The following SLC6A16 variants were observed in gnomAD, a reference collection of about 807,000 sequenced individuals.
SLC6A16 encodes orphan sodium- and chloride-dependent neurotransmitter transporter NTT5.
SLC6A16 carries 54 observed loss-of-function variants against 65.4 expected under a neutral mutation model. The observed-to-expected ratio is 0.83, with a 90% CI of 0.66 to 1.04. SLC6A16 has a LOEUF of 1.04. SLC6A16 is among the 50% of genes least tolerant of loss of function. The probability of loss-of-function intolerance (pLI) is 0.00; values close to 1 mark genes in which losing one functional copy is unlikely to be tolerated. For synonymous variants in SLC6A16, 330 were observed against 346.5 expected (o/e 0.95, Z 0.53); for missense variants, 816 against 914.0 (o/e 0.89, Z 1.38).
At chr19:49,310,540 G>C in intron 2 of SLC6A16, 30 bp from the exon 3 acceptor site, 1 of 1,613,250 alleles carries the variant, frequency 6.2e-7, no homozygotes, top group Non-Finnish European at 8.5e-7. Context: ...GGGACTCTGA[G>C]AACCATGTGG....
At chr19:49,339,560 G>A in the SLC6A16 span, 1 of 1,465,424 alleles carries the variant, frequency 6.8e-7, no homozygotes, top group Non-Finnish European at 9.0e-7. This position sits in a 1 kb window ranked among gnomAD's most constrained non-coding sequence, Gnocchi z 4.5. Flanking sequence ...ACCCAGCACC[G>A]GAGGGTGGGG....
intron 7 of SLC6A16, among the ~76,000 whole-genome samples, chr19:49,303,201 G>T (rs1970320295): frequency 6.6e-6 from 1 of 152,124 alleles, no homozygotes; most frequent in African/African-American, 2.4e-5. Flanking sequence ...TGAAGACAAA[G>T]AATTCTGAAA....
At chr19:49,304,794 T>C (rs1437429939) in intron 7 of SLC6A16, among the ~76,000 whole-genome samples, 2 of 152,186 alleles carry the variant, frequency 1.3e-5, no homozygotes, top group African/African-American at 4.8e-5. Flanking sequence ...TAGAAAAAGA[T>C]AGATCATCCA....
At chr19:49,290,833 C>G in intron 10 of SLC6A16, 66 bp from the exon 11 acceptor site, 3 of 1,367,706 alleles carry the variant, frequency 2.2e-6, no homozygotes, top group Non-Finnish European at 3.0e-6. Context: ...GCAGGGCCAG[C>G]CCAACCTTGG....
Position 49,290,261 on chromosome 19 carries a change from C to A in SLC6A16, c.2073G>T (p.Lys691Asn). 6.2e-7 allele frequency: 1 copy of A among 1,614,096 alleles called. No individual in the cohort carries two copies. Among genetic ancestry groups the A allele is most frequent in the Non-Finnish European group, 8.5e-7 (1 of 1,180,026 alleles). ...CRIHRIPFRP[K>N]SGDGPMTAST... is the part of the protein sequence containing the mutation. ...AGGCTGTCATAGGCCCGTCTCCGCT[C>A]TTGGGCCTGAAGGGAATCCTATGTA... Residue 691 changes from lysine (K) to asparagine (N), a missense_variant, in exon 12 of 12, where the codon AAG becomes AAT. Physicochemically the swap from Lys to Asn is moderately conservative, Grantham distance 94. Transcript: ENST00000335875.
intron 7 of SLC6A16, among the ~76,000 whole-genome samples, chr19:49,305,355 G>A (rs1970363903): frequency 6.6e-6 from 1 of 152,172 alleles, no homozygotes; most frequent in Admixed American, 6.5e-5. Flanking sequence ...ACTTTGGGAG[G>A]CCAAGGTGGG....
At chr19:49,300,018 A>G (rs1012461698) in intron 7 of SLC6A16, among the ~76,000 whole-genome samples, 17 of 151,530 alleles carry the variant, frequency 1.1e-4, no homozygotes, top group East Asian at 3.9e-4. Flanking sequence ...AAAAAAAAAA[A>G]AGAGAGTAAT....
intron 7 of SLC6A16, among the ~76,000 whole-genome samples, chr19:49,301,510 TC>T: frequency 6.6e-6 from 1 of 152,246 alleles, no homozygotes; most frequent in South Asian, 2.1e-4. Context: ...TCAACAGCAC[TC>T]CTGGCCACTG....
At chr19:49,310,189 C>A (rs780592120) in intron 3 of SLC6A16, 23 bp from the exon 4 acceptor site, 2 of 1,613,642 alleles carry the variant, frequency 1.2e-6, no homozygotes, top group Non-Finnish European at 1.7e-6. Context: ...GAGGATATGG[C>A]TGGGGAGGAA....
intron 10 of SLC6A16, among the ~76,000 whole-genome samples, chr19:49,291,343 C>T (rs1195091920): frequency 1.3e-5 from 2 of 152,000 alleles, no homozygotes; most frequent in Non-Finnish European, 2.9e-5. Context: ...ACCATCTATG[C>T]CCCCGGAGTT....
At chr19:49,327,057 C>A (rs1970806204), upstream of SLC6A16, among the ~76,000 whole-genome samples, 1 of 150,406 alleles carries the variant, frequency 6.6e-6, no homozygotes, top group Admixed American at 6.6e-5. Context: ...AAAAGGGCCA[C>A]AGACCTATTT....
intron 7 of SLC6A16, among the ~76,000 whole-genome samples, chr19:49,302,730 T>C (rs1568529506): frequency 6.6e-6 from 1 of 151,924 alleles, no homozygotes; most frequent in Admixed American, 6.6e-5. Context: ...GAGAAAACAA[T>C]TTAACAAAAT....
At chr19:49,324,991 G>A (rs1406547325) in intron 1 of SLC6A16, 57 bp downstream of exon 1, 1 of 966,754 alleles carries the variant, frequency 1.0e-6, no homozygotes, top group Non-Finnish European at 1.2e-6. Context: ...ATGGCGCCCA[G>A]CCCCACACAC....
chr19:49,336,989 G>A, the SLC6A16 span: 2 of 1,614,018 alleles, frequency 1.2e-6, no homozygotes, highest in Non-Finnish European at 1.7e-6. Context: ...CGCCCTCCTG[G>A]GTTGTGTGGG....
chr19:49,320,244 A>G (rs947066705), intron 1 of SLC6A16, among the ~76,000 whole-genome samples: 3 of 152,042 alleles, frequency 2.0e-5, no homozygotes, highest in African/African-American at 7.2e-5. Context: ...CCCCATCTCT[A>G]TTAAAATACA....
rs370870774 is a variant in SLC6A16 at position 49,290,367 on chromosome 19, G to A, written c.1967C>T (p.Pro656Leu). The A allele has an allele frequency of 5.6e-6, 9 of 1,613,538 alleles. No individual in the cohort carries two copies. The African/African-American group carries it at 9.4e-5, about 17-fold the overall frequency. The change falls in exon 12 of 12, where the codon CCA becomes CTA. Residue 656 changes from proline (P) to leucine (L), a missense_variant. Pro to Leu is a moderately conservative substitution (Grantham distance 98). Transcript: ENST00000335875. ...GATCATCAAGAGCAGTGCCCACGGT[G>A]GGTATGGTCGAAGCACCTCTTTTGA... ...STSKEVLRPY[P>L]PWALLLMITL... is the part of the protein sequence containing the mutation.
chr19:49,290,282 A>G lies in SLC6A16; in HGVS notation c.2052T>C (p.His684=), dbSNP rs1193653561. The G allele has an allele frequency of 8.1e-6, 13 of 1,614,084 alleles. No individual in the cohort carries two copies. The highest frequency in any genetic ancestry group is 1.1e-5 in the Non-Finnish European group (13 of 1,180,020). ...CGCTCTTGGGCCTGAAGGGAATCCT[A>G]TGTATGCGGCAGTATACAAAGTATG... ...IPAYFVYCRI[H]RIPFRPKSGD... is the part of the protein sequence containing the mutation. Residue 684 remains histidine (H), a synonymous_variant, in exon 12 of 12, where the codon CAT becomes CAC. Coordinates refer to ENST00000335875, the MANE Select transcript of SLC6A16 (RefSeq NM_014037.3).
rs148862704 is a variant in SLC6A16, at chr19:49,308,938, T to C, written c.1167A>G (p.Thr389=). 699 of 1,614,116 alleles carry C rather than the reference T, an allele frequency of 4.3e-4. 4 individuals are homozygous for C. In the Admixed American group the frequency reaches 8.8e-3, roughly 20 times the overall value. Residue 389 remains threonine (T), a synonymous_variant, in exon 7 of 12, where the codon ACA becomes ACG. Coordinates refer to ENST00000335875, the MANE Select transcript of SLC6A16 (RefSeq NM_014037.3). ...VINLLTLLVF[T]SFNFCVLGFW... The stretch of plus-strand genomic sequence containing the variant: ...AGCCCAGGACACAGAAGTTGAAAGA[T>C]GTGAAAACCAACAAAGTGAGCAGGT...
chr19:49,311,292 C>T lies in SLC6A16; in HGVS notation c.56G>A (p.Gly19Asp), dbSNP rs1970517089. 6.2e-7 allele frequency: 1 copy of T among 1,610,586 alleles called. No individual in the cohort carries two copies. Among genetic ancestry groups the T allele is most frequent in the Admixed American group, 1.7e-5 (1 of 59,492 alleles). The change falls in exon 2 of 12, where the codon GGC becomes GAC. Residue 19 changes from glycine (G) to aspartate (D), a missense_variant. Gly to Asp is a moderately conservative substitution (Grantham distance 94). Transcript: ENST00000335875. ...TSLLANTSWT[G>D]TVISDSVPGS... ...TGGGACACTGTCAGAAATCACTGTG[C>T]CAGTCCATGAGGTGTTTGCCAGCAA...
Sources: allele counts gnomAD v4.1 joint callset (sites outside exome capture counted in the v4.1 genomes callset), GRCh38; gene constraint gnomAD v4.1.1; non-coding constraint Gnocchi (gnomAD v3.1); transcripts MANE v1.5; gene names NCBI Gene and HGNC (gene_info 2026-07-23, HGNC 2026-07-21).